Variants in VPS13B observed in about 807,000 individuals in gnomAD.
The protein encoded by VPS13B is intermembrane lipid transfer protein VPS13B.
A neutral mutation model predicts 426.4 loss-of-function variants in VPS13B; 285 were observed. The ratio of observed to expected loss-of-function variants is 0.67; its 90% confidence interval spans 0.61 to 0.74. The LOEUF (loss-of-function observed/expected upper bound fraction) is 0.74. VPS13B is among the 30% of genes least tolerant of loss of function. VPS13B has a pLI of 0.00. For synonymous variants in VPS13B, 1,676 were observed against 1,676.4 expected, an observed-to-expected ratio of 1.00 and a Z score of 0.01; for missense variants, 4,537 against 4,782.6, an observed-to-expected ratio of 0.95 and a Z score of 1.51.
chr8:99,313,568 G>T (rs182039189), intron 19 of VPS13B, among the ~76,000 whole-genome samples: 12 of 152,274 alleles, frequency 7.9e-5, no homozygotes, highest in African/African-American at 2.9e-4. Context: ...TGAGGTGTCA[G>T]TCTGCCCTTA....
intron 35 of VPS13B, among the ~76,000 whole-genome samples, chr8:99,688,165 T>C (rs1209610945): frequency 6.7e-6 from 1 of 149,670 alleles, no homozygotes; most frequent in Non-Finnish European, 1.5e-5. Context: ...TCTGAGGAGC[T>C]TGTTCTTTTG....
chr8:99,325,877 G>A (rs189593196), intron 19 of VPS13B, among the ~76,000 whole-genome samples: 136 of 151,588 alleles, frequency 9.0e-4, no homozygotes, highest in African/African-American at 1.3e-3. Flanking sequence ...TTCCTTTTAC[G>A]GCCCTTAGTA....
At chr8:99,557,951 A>G (rs944472439) in intron 31 of VPS13B, among the ~76,000 whole-genome samples, 1 of 152,182 alleles carries the variant, frequency 6.6e-6, no homozygotes, top group Non-Finnish European at 1.5e-5. Context: ...TATAAAATAG[A>G]ATCAGTAATA....
chr8:99,831,076 C>CTTTTTTTTTTTTTTTTTT (rs773817774), intron 51 of VPS13B, among the ~76,000 whole-genome samples: 7 of 120,074 alleles, frequency 5.8e-5, no homozygotes, highest in African/African-American at 1.3e-4. Flanking sequence ...GTGTTTTTTT[C>CTTTTTTTTTTTTTTTTTT]TTTTTTTTTT....
At chr8:99,148,168 A>T (rs944334487) in intron 14 of VPS13B, among the ~76,000 whole-genome samples, 158 bp downstream of exon 14, 5 of 151,598 alleles carry the variant, frequency 3.3e-5, no homozygotes, top group African/African-American at 1.2e-4. Flanking sequence ...ACTTGAGGCC[A>T]AGAGTTTGAG....
At chr8:99,094,704 C>T (rs752979832) in intron 3 of VPS13B, among the ~76,000 whole-genome samples, 4 of 152,090 alleles carry the variant, frequency 2.6e-5, no homozygotes, top group Non-Finnish European at 4.4e-5. Context: ...GTCTTATTGT[C>T]GTTCTTATTT....
intron 23 of VPS13B, among the ~76,000 whole-genome samples, chr8:99,465,433 T>C (rs1266156188): frequency 6.6e-6 from 1 of 150,566 alleles, no homozygotes; most frequent in Non-Finnish European, 1.5e-5. Context: ...GGAGTTAGGG[T>C]ATGATATGCT....
At chr8:99,369,444 A>G (rs913990232) in intron 19 of VPS13B, among the ~76,000 whole-genome samples, 1 of 152,198 alleles carries the variant, frequency 6.6e-6, no homozygotes, top group Non-Finnish European at 1.5e-5. Context: ...TGATAATCCC[A>G]ATAAACTATA....
intron 24 of VPS13B, among the ~76,000 whole-genome samples, chr8:99,478,442 G>GTTTTTTTTTTTT: frequency 2.3e-5 from 1 of 43,492 alleles, no homozygotes; most frequent in East Asian, 6.6e-4. Context: ...TTGTTTTTTT[G>GTTTTTTTTTTTT]TTTTGTTTTT....
In VPS13B at chr8:99,612,270, C is replaced by T. The variant is rs559139518; in HGVS notation, c.5221-29541C>T. 7.2e-5 allele frequency among the ~76,000 whole-genome samples: 11 copies of T among 152,200 alleles called. No individual in the cohort carries two copies. In the East Asian group the frequency reaches 1.5e-3, roughly 21 times the overall value. ...TGAGAATAAGAGTAGCAGTGCTTAA[C>T]GTTATGAGCATCACAGATCCCTGTG... is the stretch of plus-strand genomic sequence containing the variant. On this transcript the variant is annotated intron_variant, in intron 33 of 61. Transcript: ENST00000357162.
intron 30 of VPS13B, among the ~76,000 whole-genome samples, chr8:99,523,390 G>A (rs1367193467): frequency 6.6e-6 from 1 of 152,206 alleles, no homozygotes; most frequent in Non-Finnish European, 1.5e-5. Context: ...CCAGGCAGTG[G>A]TTACCACGGG....
chr8:99,061,734 G>A (rs965580451), intron 3 of VPS13B, among the ~76,000 whole-genome samples: 18 of 151,988 alleles, frequency 1.2e-4, no homozygotes, highest in African/African-American at 3.6e-4. Flanking sequence ...TATAAGTAAC[G>A]TAAGTATTAT....
intron 8 of VPS13B, among the ~76,000 whole-genome samples, chr8:99,129,295 A>G: frequency 6.6e-6 from 1 of 151,718 alleles, no homozygotes; most frequent in South Asian, 2.1e-4. Context: ...AAAAAATATA[A>G]TAAAAAGGCA....
chr8:99,038,774 C>G (rs996822565), intron 3 of VPS13B, among the ~76,000 whole-genome samples: 1 of 148,794 alleles, frequency 6.7e-6, no homozygotes. Flanking sequence ...GCAACCTCCT[C>G]CTCCTGGGTT....
Position 99,868,147 on chromosome 8 carries a change from G to A in VPS13B, c.11216-142G>A, listed in dbSNP as rs547191162. 65 of 971,446 alleles carry A rather than the reference G, an allele frequency of 6.7e-5. 1 individual carries two copies. In the Admixed American group the frequency reaches 9.9e-4, roughly 15 times the overall value. The allele number at this position is 971,446 out of a possible 1,614,324, so 60.2% of individuals were successfully genotyped here. On this transcript the variant is annotated intron_variant, in intron 58 of 61. Transcript: ENST00000357162. ...CTGCCCTTGGTGTACTTAGATAACT[G>A]GTAAACAAATGGGTAGTAAAGACCT... is the stretch of plus-strand genomic sequence containing the variant.
chr8:99,641,553 A>G (rs1383577583), intron 33 of VPS13B, among the ~76,000 whole-genome samples: 1 of 152,220 alleles, frequency 6.6e-6, no homozygotes, highest in Admixed American at 6.5e-5. Context: ...AAGAAAGAAG[A>G]TCTGACATTC....
chr8:99,855,251 G>A (rs994444605), intron 56 of VPS13B, among the ~76,000 whole-genome samples: 5 of 151,960 alleles, frequency 3.3e-5, no homozygotes, highest in East Asian at 1.9e-4. Context: ...GTGTGGTGTC[G>A]TGCACCTGTA....
chr8:99,855,722 A>G lies in VPS13B; in HGVS notation c.10867+1466A>G, dbSNP rs569394142. Among the ~76,000 whole-genome samples the G allele has an allele frequency of 4.6e-5, 7 of 152,344 alleles. No homozygotes were observed. The South Asian group carries it at 1.5e-3, about 32-fold the overall frequency. On this transcript the variant is annotated intron_variant, in intron 56 of 61. Coordinates refer to ENST00000357162, the MANE Select transcript of VPS13B (RefSeq NM_152564.5). Reference sequence around the variant, plus strand: ...ATATTGGTCAGATTACATTTTCTCCATAATGAAATTCATAGACTTACTAGG... The same window carrying G: ...ATATTGGTCAGATTACATTTTCTCCGTAATGAAATTCATAGACTTACTAGG...
chr8:99,352,977 A>C (rs544422326), intron 19 of VPS13B, among the ~76,000 whole-genome samples: 64 of 151,950 alleles, frequency 4.2e-4, no homozygotes, highest in African/African-American at 1.4e-3. Flanking sequence ...CAAACAAAAA[A>C]CTTATTATTA....
Sources: allele counts gnomAD v4.1 joint callset (sites outside exome capture counted in the v4.1 genomes callset), GRCh38; gene constraint gnomAD v4.1.1; transcripts MANE v1.5; gene names NCBI Gene and HGNC (gene_info 2026-07-23, HGNC 2026-07-21).